Variants in TAFA2 observed in about 807,000 individuals in gnomAD.
TAFA2 encodes TAFA chemokine like family member 2, also known as chemokine-like protein TAFA-2.
A neutral mutation model predicts 18.8 loss-of-function variants in TAFA2; 7 were observed. That is an observed-to-expected ratio of 0.37 (90% CI 0.21 to 0.70). The LOEUF (loss-of-function observed/expected upper bound fraction) is 0.70, where lower values mean the gene tolerates loss of function less well. Ranked by LOEUF, TAFA2 falls within the 30% of genes least tolerant of loss-of-function variation. The probability of loss-of-function intolerance (pLI) is 0.53; values close to 1 mark genes in which losing one functional copy is unlikely to be tolerated. For synonymous variants in TAFA2, 60 were observed against 54.2 expected (o/e 1.11, Z -0.47); for missense variants, 122 against 158.1 (o/e 0.77, Z 1.23).
chr12:61,866,286 G>C (rs1430998888), intron 2 of TAFA2, among the ~76,000 whole-genome samples: 3 of 152,124 alleles, frequency 2.0e-5, no homozygotes. Context: ...ATAAGTGTCA[G>C]TCCCACACAC....
At chr12:61,790,458 A>G (rs61459644) in intron 2 of TAFA2, among the ~76,000 whole-genome samples, 2,696 of 151,970 alleles carry the variant, frequency 0.018, 76 homozygotes, top group African/African-American at 0.06. Context: ...AGTCTTATGT[A>G]TAGAAAATCC....
At chr12:61,894,898 T>A (rs1267452583) in intron 1 of TAFA2, among the ~76,000 whole-genome samples, 1 of 152,228 alleles carries the variant, frequency 6.6e-6, no homozygotes, top group African/African-American at 2.4e-5. Context: ...TTAAACAAAC[T>A]ATCATGTGGT....
chr12:62,252,320 C>T (rs1236388499), intron 1 of TAFA2: 3 of 152,232 alleles, frequency 2.0e-5, no homozygotes, highest in Non-Finnish European at 2.9e-5. Context: ...AATGATAAAC[C>T]TGCCAGGATG....
intron 1 of TAFA2, among the ~76,000 whole-genome samples, chr12:61,991,377 T>C (rs544236917): frequency 1.3e-5 from 2 of 152,328 alleles, no homozygotes; most frequent in East Asian, 1.9e-4. Context: ...AATTATTAAA[T>C]CATAAATCAA....
intron 1 of TAFA2, among the ~76,000 whole-genome samples, chr12:62,143,264 AC>A (rs2062252569): frequency 6.6e-6 from 1 of 152,112 alleles, no homozygotes. Context: ...AAAAATGCTA[AC>A]CCCCTTCAGC....
intron 1 of TAFA2, among the ~76,000 whole-genome samples, chr12:62,069,928 T>C (rs1387042686): frequency 6.6e-6 from 1 of 152,204 alleles, no homozygotes; most frequent in Non-Finnish European, 1.5e-5. Context: ...CTTCATAAAA[T>C]TTATAATGTT....
chr12:62,206,980 C>T (rs192060679), intron 1 of TAFA2: 1 of 152,348 alleles, frequency 6.6e-6, no homozygotes, highest in East Asian at 1.9e-4. Context: ...CATCATACTG[C>T]ATCTGTCAAC....
intron 1 of TAFA2, among the ~76,000 whole-genome samples, chr12:61,993,494 T>G (rs1880079269): frequency 6.6e-6 from 1 of 152,178 alleles, no homozygotes. Context: ...TAGCAAGGGT[T>G]AAATGATGTA....
At chr12:61,878,788 C>T (rs10877758) in intron 1 of TAFA2, among the ~76,000 whole-genome samples, 101,033 of 151,994 alleles carry the variant, frequency 0.66, 33,815 homozygotes, top group East Asian at 0.79. Context: ...AGAAGCTAAG[C>T]TCCTTGACAA....
intron 1 of TAFA2, among the ~76,000 whole-genome samples, chr12:62,009,559 G>A (rs780013999): frequency 8.5e-5 from 13 of 152,138 alleles, no homozygotes; most frequent in Non-Finnish European, 1.5e-4. Context: ...ATTTAGACAC[G>A]AGCAATTCAG....
At chr12:61,745,700 A>G (rs1283693293) in intron 4 of TAFA2, among the ~76,000 whole-genome samples, 1 of 152,116 alleles carries the variant, frequency 6.6e-6, no homozygotes, top group African/African-American at 2.4e-5. Flanking sequence ...TTGATTATTC[A>G]AACAAACACT....
At chr12:61,969,780 T>G (rs555376623) in intron 1 of TAFA2, among the ~76,000 whole-genome samples, 1 of 151,774 alleles carries the variant, frequency 6.6e-6, no homozygotes, top group East Asian at 1.9e-4. Flanking sequence ...ACGTTTGAAC[T>G]TGGTCTTGAA....
At chr12:61,955,255 G>A (rs563240343) in intron 1 of TAFA2, among the ~76,000 whole-genome samples, 12 of 151,950 alleles carry the variant, frequency 7.9e-5, no homozygotes, top group Non-Finnish European at 1.6e-4. Flanking sequence ...AAAAACTAAA[G>A]CACCATATTA....
chr12:62,030,258 C>A (rs1188923328), intron 1 of TAFA2, among the ~76,000 whole-genome samples: 1 of 152,150 alleles, frequency 6.6e-6, no homozygotes, highest in African/African-American at 2.4e-5. Flanking sequence ...AGTGAGGAAG[C>A]AATTCACTGA....
At chr12:61,885,057 AT>A (rs1834745968) in intron 1 of TAFA2, among the ~76,000 whole-genome samples, 1 of 151,648 alleles carries the variant, frequency 6.6e-6, no homozygotes, top group South Asian at 2.1e-4. Context: ...CCTCTTTCAA[AT>A]GGATGAAATA....
At chr12:62,173,183 C>T (rs111437567) in intron 1 of TAFA2, among the ~76,000 whole-genome samples, 14,820 of 152,106 alleles carry the variant, frequency 0.097, 947 homozygotes, top group South Asian at 0.15. Flanking sequence ...GAGGCCGAGG[C>T]GGGAGGATCA....
intron 1 of TAFA2, chr12:61,877,957 A>G (rs1874938648): frequency 2.3e-6 from 1 of 425,654 alleles, no homozygotes; most frequent in Non-Finnish European, 4.7e-6. Flanking sequence ...ATACATATAT[A>G]TACACACACA....
chr12:61,982,799 C>T (rs1294886308), intron 1 of TAFA2, among the ~76,000 whole-genome samples: 2 of 136,968 alleles, frequency 1.5e-5, no homozygotes, highest in Admixed American at 1.6e-4. Context: ...AGTCATGAAA[C>T]ATATGTTAAC....
At chr12:61,920,481 GC>G (rs1408887639) in intron 1 of TAFA2, among the ~76,000 whole-genome samples, 1 of 152,148 alleles carries the variant, frequency 6.6e-6, no homozygotes, top group Admixed American at 6.6e-5. Context: ...CCATTAGTTT[GC>G]CCCATATATT....
Sources: gnomAD v4.1 joint callset for allele counts (sites outside exome capture counted in the v4.1 genomes callset) on GRCh38, gnomAD v4.1.1 for gene constraint, MANE v1.5 for transcripts, NCBI Gene and HGNC (gene_info 2026-07-23, HGNC 2026-07-21) for gene names.